The following DDI2 variants were observed in gnomAD, a reference collection of about 807,000 sequenced individuals.
The protein encoded by DDI2 is protein DDI1 homolog 2.
In DDI2, 5 loss-of-function variants were observed where a neutral mutation model predicts 48.1. The observed-to-expected ratio is 0.10, with a 90% CI of 0.05 to 0.22. The LOEUF (loss-of-function observed/expected upper bound fraction) is 0.22. DDI2 is among the 10% of genes least tolerant of loss of function. DDI2 has a pLI of 1.00. For missense variants in DDI2, 285 were observed against 506.2 expected (o/e 0.56, Z 4.19); for synonymous variants, 205 against 183.6 (o/e 1.12, Z -0.94).
At chr1:15,639,687 CT>C (rs1464486535) in intron 5 of DDI2, among the ~76,000 whole-genome samples, 6 of 152,266 alleles carry the variant, frequency 3.9e-5, no homozygotes, top group Non-Finnish European at 8.8e-5. Context: ...TGATTGGGAA[CT>C]CCTGGCCTCA....
intron 1 of DDI2, among the ~76,000 whole-genome samples, chr1:15,622,532 G>A (rs1639682018): frequency 6.6e-6 from 1 of 152,118 alleles, no homozygotes; most frequent in Non-Finnish European, 1.5e-5. Context: ...TGCCAGTTTT[G>A]CTGATTAAGA....
chr1:15,628,792 C>T (rs1639798408), intron 2 of DDI2, among the ~76,000 whole-genome samples: 1 of 152,136 alleles, frequency 6.6e-6, no homozygotes, highest in Non-Finnish European at 1.5e-5. Context: ...ACCATCACCA[C>T]AATCCATTTT....
Position 15,620,402 on chromosome 1 carries a change from T to C in DDI2, c.138+2594T>C, listed in dbSNP as rs187555280. On this transcript the variant is annotated intron_variant, in intron 1 of 9. Coordinates refer to ENST00000480945, the MANE Select transcript of DDI2 (RefSeq NM_032341.5). Reference sequence around the variant, plus strand: ...CATCACTATAGTTTTTACCCATAAATATATCATGTTTACTTACTTGAGTGT... The same window carrying C: ...CATCACTATAGTTTTTACCCATAAACATATCATGTTTACTTACTTGAGTGT... Among the ~76,000 whole-genome samples the C allele has an allele frequency of 4.6e-5, 7 of 152,296 alleles. No individual in the cohort carries two copies. In the East Asian group the frequency reaches 1.3e-3, roughly 29 times the overall value.
intron 3 of DDI2, among the ~76,000 whole-genome samples, chr1:15,632,943 A>T (rs1256855186): frequency 1.0e-4 from 15 of 143,666 alleles, no homozygotes; most frequent in Non-Finnish European, 2.0e-4. Flanking sequence ...AAAAAAAAAA[A>T]ACAGGGTCTC....
At position 15,617,623 on chromosome 1, in the gene DDI2, C is replaced by G. The variant is rs761723037; in HGVS notation, c.-48C>G. ...CGCCGCCGCCTCTTCCCCTGCGCCC[C>G]GCGCCCAGGCCGGGCCGAGCCGAGC... is the stretch of plus-strand genomic sequence containing the variant. On this transcript the variant is annotated 5_prime_UTR_variant, in exon 1 of 10. Coordinates refer to ENST00000480945, the MANE Select transcript of DDI2 (RefSeq NM_032341.5). The G allele has an allele frequency of 1.2e-5, 15 of 1,299,330 alleles. No homozygotes were observed. The highest frequency in any genetic ancestry group is 1.5e-5 in the Non-Finnish European group (15 of 1,017,012). 80.5% of individuals were successfully genotyped at this position (1,299,330 alleles called of 1,614,324 possible).
rs112628248 is a variant in DDI2 at position 15,646,208 on chromosome 1, G to T, written c.889+2558G>T. Among the ~76,000 whole-genome samples, 498 of 152,298 alleles carry T rather than the reference G, an allele frequency of 3.3e-3. 9 individuals are homozygous for T. The highest frequency in any genetic ancestry group is 0.011 in the African/African-American group (472 of 41,572). On this transcript the variant is annotated intron_variant, in intron 6 of 9. Transcript: ENST00000480945. ...CTAACTGTGCCTCTGCGGCCTTCCC[G>T]CCAGCCTTGCTGCTTTGGGTCCATC...
At chr1:15,629,438 A>C (rs986214230) in intron 2 of DDI2, among the ~76,000 whole-genome samples, 1 of 151,980 alleles carries the variant, frequency 6.6e-6, no homozygotes, top group African/African-American at 2.4e-5. Context: ...TCTACTAAAA[A>C]TACAAAAAAT....
In DDI2 at chr1:15,639,710, G is replaced by C. The variant is rs1639978401; in HGVS notation, c.760+1276G>C. Among the ~76,000 whole-genome samples the C allele has an allele frequency of 2.6e-5, 4 of 152,170 alleles. No homozygotes were observed. In the South Asian group the frequency reaches 8.3e-4, roughly 32 times the overall value. On this transcript the variant is annotated intron_variant, in intron 5 of 9. Coordinates refer to ENST00000480945, the MANE Select transcript of DDI2 (RefSeq NM_032341.5). ...AACTCCTGGCCTCAACTCTCATTAA[G>C]AGTTTGTACCTTGAGACTGGGTGTA...
Position 15,630,252 on chromosome 1 carries a change from T to C in DDI2, c.269-73T>C, listed in dbSNP as rs10927817. The C allele has an allele frequency of 2.4e-5, 33 of 1,373,730 alleles. No homozygotes were observed. The African/African-American group carries it at 4.3e-4, about 18-fold the overall frequency. 85.1% of individuals were successfully genotyped at this position (1,373,730 alleles called of 1,614,324 possible). ...CTGTCATATACCATGTATGAGCAAG[T>C]GTTCTGCTGTTTCCTTCAAGTGCTT... is the stretch of plus-strand genomic sequence containing the variant. On this transcript the variant is annotated intron_variant, in intron 2 of 9. Transcript: ENST00000480945.
chr1:15,644,353 C>G (rs990755440), intron 6 of DDI2, among the ~76,000 whole-genome samples: 8 of 152,124 alleles, frequency 5.3e-5, no homozygotes, highest in African/African-American at 1.7e-4. Flanking sequence ...TGGAGTGCAT[C>G]ATCCAGTAAC....
chr1:15,660,150 T>C lies in DDI2; in HGVS notation c.*360T>C. 1 of 1,614,218 alleles carries C rather than the reference T, an allele frequency of 6.2e-7. No individual in the cohort carries two copies. The highest frequency in any genetic ancestry group is 1.3e-5 in the African/African-American group (1 of 75,068). ...ATGCTCCAACAGACCAGAGTCCAGC[T>C]ATGCCTATGCAGAATTCATCCGAAG... On this transcript the variant is annotated 3_prime_UTR_variant, in exon 10 of 10. Coordinates refer to ENST00000480945, the MANE Select transcript of DDI2 (RefSeq NM_032341.5).
At chr1:15,654,808 T>TA (rs1557623476) in intron 8 of DDI2, among the ~76,000 whole-genome samples, 1 of 152,328 alleles carries the variant, frequency 6.6e-6, no homozygotes, top group East Asian at 1.9e-4. Flanking sequence ...GTTTTAATCT[T>TA]ACCTGCAAGG....
At chr1:15,653,817 A>G (rs1379656920) in intron 8 of DDI2, among the ~76,000 whole-genome samples, 6 of 152,218 alleles carry the variant, frequency 3.9e-5, no homozygotes, top group Non-Finnish European at 7.3e-5. Flanking sequence ...AACGTTACTG[A>G]AAATGCAGTG....
At chr1:15,641,370 G>A (rs1447875697) in intron 5 of DDI2, among the ~76,000 whole-genome samples, 2 of 151,972 alleles carry the variant, frequency 1.3e-5, no homozygotes, top group Non-Finnish European at 2.9e-5. Context: ...TACTTAGGAG[G>A]CTGAGGCAGG....
chr1:15,635,501 G>A (rs1570974711), intron 4 of DDI2, among the ~76,000 whole-genome samples: 1 of 152,158 alleles, frequency 6.6e-6, no homozygotes, highest in East Asian at 1.9e-4. Context: ...CGCCTCCCAA[G>A]TTCAAGCGAT....
intron 5 of DDI2, among the ~76,000 whole-genome samples, chr1:15,642,516 A>T (rs1296105445): frequency 6.6e-6 from 1 of 152,190 alleles, no homozygotes; most frequent in Non-Finnish European, 1.5e-5. Flanking sequence ...GGATATTGCT[A>T]TGTTGCCCAA....
At chr1:15,647,160 T>C (rs1269590126) in intron 6 of DDI2, among the ~76,000 whole-genome samples, 1 of 152,046 alleles carries the variant, frequency 6.6e-6, no homozygotes, top group Non-Finnish European at 1.5e-5. Flanking sequence ...TTTTCTTTTT[T>C]TTTTTGAAAC....
Position 15,660,441 on chromosome 1 carries a change from T to A in DDI2, c.*651T>A, listed in dbSNP as rs34091519. ...CTTCACATGACCAAGAATATCTTTGTAACATAGGGGACCTTGAGCTTCCTG... is the reference window on the plus strand; with the variant it reads ...CTTCACATGACCAAGAATATCTTTGAAACATAGGGGACCTTGAGCTTCCTG... On this transcript the variant is annotated 3_prime_UTR_variant, in exon 10 of 10. Coordinates refer to ENST00000480945, the MANE Select transcript of DDI2 (RefSeq NM_032341.5). The A allele has an allele frequency of 1.9e-5, 31 of 1,613,974 alleles. No individual in the cohort carries two copies. In the Admixed American group the frequency reaches 5.0e-4, roughly 26 times the overall value.
At position 15,667,944 on chromosome 1, in the gene DDI2, G is replaced by A. The variant is rs1640479538; in HGVS notation, c.*8154G>A. The stretch of plus-strand genomic sequence containing the variant: ...GCCAAGAAAATGGTTCAAGGGCATG[G>A]GGGTTAGAGAATGTTTCTTTTACCT... On this transcript the variant is annotated 3_prime_UTR_variant, in exon 10 of 10. Coordinates refer to ENST00000480945, the MANE Select transcript of DDI2 (RefSeq NM_032341.5). 1 of 152,182 alleles carries A rather than the reference G, an allele frequency of 6.6e-6. No homozygotes were observed. The highest frequency in any genetic ancestry group is 1.9e-4 in the East Asian group (1 of 5,200). The allele number at this position is 152,182 out of a possible 1,614,324, so 9.4% of individuals were successfully genotyped here. A position where few individuals can be genotyped will look rare whatever the true frequency, so the allele number is the denominator to read the frequency against.
Sources: allele counts gnomAD v4.1 joint callset (sites outside exome capture counted in the v4.1 genomes callset), GRCh38; gene constraint gnomAD v4.1.1; transcripts MANE v1.5; gene names NCBI Gene and HGNC (gene_info 2026-07-23, HGNC 2026-07-21).